Variants in MYOF observed in about 807,000 individuals in gnomAD.
The protein encoded by MYOF is myoferlin, also known as fer-1-like 3, myoferlin.
Under a neutral mutation model 284.2 loss-of-function variants are expected in MYOF, and 244 were observed. The ratio of observed to expected loss-of-function variants is 0.86; its 90% confidence interval spans 0.77 to 0.95. The LOEUF (loss-of-function observed/expected upper bound fraction) is 0.95, where lower values mean the gene tolerates loss of function less well. Ranked by LOEUF, MYOF falls within the 40% of genes least tolerant of loss-of-function variation. The pLI is 0.00. For missense variants in MYOF, 2,496 were observed against 2,560.6 expected (o/e 0.97, Z 0.54); for synonymous variants, 904 against 919.7 (o/e 0.98, Z 0.31).
At position 93,381,378 on chromosome 10, in the gene MYOF, TC is replaced by T; in HGVS notation, c.1716del (p.Lys573SerfsTer71). The T allele has an allele frequency of 1.9e-6, 3 of 1,614,210 alleles. No homozygotes were observed. The highest frequency in any genetic ancestry group is 2.5e-6 in the Non-Finnish European group (3 of 1,180,026). ...LLVVEKYQRRRKYSLSAVFHS... is the reference protein window; with the variant it reads ...LLVVEKYQRRXKYSLSAVFHS... ...TGAAACACGGCAGACAGGCTGTACT[TC>T]CGCCTTCGCTGGTATTTCTATAAAG... On this transcript the variant is annotated frameshift_variant, in exon 20 of 54. Transcript: ENST00000359263. LOFTEE classifies it high-confidence loss of function.
At chr10:93,369,589 T>C in intron 25 of MYOF, 56 bp downstream of exon 25, 1 of 1,606,222 alleles carries the variant, frequency 6.2e-7, no homozygotes, top group Non-Finnish European at 8.5e-7. Flanking sequence ...AGGTGAAAAG[T>C]AAAAGTGCCC....
intron 50 of MYOF, among the ~76,000 whole-genome samples, chr10:93,315,946 C>A (rs1369596104): frequency 6.7e-6 from 1 of 149,858 alleles, no homozygotes; most frequent in African/African-American, 2.4e-5. Context: ...CATAGTGAGA[C>A]CTCGTCTGTA....
At position 93,320,792 on chromosome 10, in the gene MYOF, C is replaced by T. The variant is rs182228614; in HGVS notation, c.5457-779G>A. On this transcript the variant is annotated intron_variant, in intron 48 of 53. Transcript: ENST00000359263. ...TTTACACTGTCAAAGCAATAGAGAG[C>T]GCATGGTTTTCTCGAAACTGCACAT... Among the ~76,000 whole-genome samples the T allele has an allele frequency of 1.2e-3, 187 of 152,182 alleles. 1 individual carries two copies. The highest frequency in any genetic ancestry group is 9.6e-4 in the Non-Finnish European group (65 of 68,010).
At chr10:93,456,590 A>T (rs1564733802) in intron 2 of MYOF, among the ~76,000 whole-genome samples, 1 of 152,224 alleles carries the variant, frequency 6.6e-6, no homozygotes, top group Non-Finnish European at 1.5e-5. Context: ...GATATGCAAC[A>T]TAAGTGGACC....
intron 29 of MYOF, among the ~76,000 whole-genome samples, chr10:93,359,580 G>A (rs1180371064): frequency 6.6e-6 from 1 of 152,174 alleles, no homozygotes; most frequent in African/African-American, 2.4e-5. Context: ...CACCTGGATG[G>A]TTTGCTGAAC....
intron 19 of MYOF, among the ~76,000 whole-genome samples, chr10:93,384,830 G>A (rs1846288380): frequency 6.6e-6 from 1 of 152,152 alleles, no homozygotes; most frequent in African/African-American, 2.4e-5. Context: ...TACCGATAAG[G>A]GCTAAGAGTT....
intron 1 of MYOF, among the ~76,000 whole-genome samples, chr10:93,477,440 C>T (rs1355418393): frequency 2.0e-5 from 3 of 151,754 alleles, no homozygotes; most frequent in African/African-American, 7.3e-5. Context: ...TGCAGTGAAC[C>T]GAGATTATGC....
intron 1 of MYOF, among the ~76,000 whole-genome samples, chr10:93,474,257 G>T (rs774127096): frequency 6.6e-5 from 10 of 152,086 alleles, no homozygotes; most frequent in Non-Finnish European, 1.2e-4. Context: ...GTACTAATCT[G>T]CTGTTCACAT....
At chr10:93,425,999 C>G in intron 5 of MYOF, 72 bp downstream of exon 5, 1 of 1,438,320 alleles carries the variant, frequency 7.0e-7, no homozygotes. Flanking sequence ...CAGGGTTTCT[C>G]CAGACACTCT....
rs764601313 is a variant in MYOF, at chr10:93,333,843, A to G, written c.4634T>C (p.Leu1545Ser). 1.2e-6 allele frequency: 2 copies of G among 1,613,988 alleles called. No homozygotes were observed. Among genetic ancestry groups the G allele is most frequent in the African/African-American group, 1.3e-5 (1 of 74,906 alleles). ...VPAPPRQFRELPDSVPQECTV... is the reference protein window; with the variant it reads ...VPAPPRQFRESPDSVPQECTV... ...GCATTCCTGTGGGACGCTGTCAGGT[A>G]ATTCCCGAAACTGTCTGGGAGGGGC... Residue 1545 changes from leucine (L) to serine (S), a missense_variant, in exon 42 of 54, where the codon TTA becomes TCA. This residue lies in a region of MYOF where 2,436 missense variants were observed against 2,480.7 expected (regional missense o/e 0.98). Transcript: ENST00000359263.
intron 29 of MYOF, among the ~76,000 whole-genome samples, chr10:93,357,471 C>T (rs1473771236): frequency 2.0e-5 from 3 of 152,120 alleles, no homozygotes; most frequent in African/African-American, 7.2e-5. Context: ...TGACAGGGAT[C>T]GTGTTAGGGG....
rs763390041 is a variant in MYOF, at chr10:93,306,923, T to C, written c.*40A>G. On this transcript the variant is annotated 3_prime_UTR_variant, in exon 54 of 54. Transcript: ENST00000359263. ...GTTGGTCTACAGAGGCAGGATTCTC[T>C]CATTGCTGGATGACTCTTGAAATGA... The C allele has an allele frequency of 1.9e-6, 3 of 1,599,082 alleles. No homozygotes were observed. The highest frequency in any genetic ancestry group is 2.6e-6 in the Non-Finnish European group (3 of 1,166,872).
chr10:93,333,898 AGATCCGAAAG>A lies in MYOF; in HGVS notation c.4569_4578del (p.Phe1524ThrfsTer37). The A allele has an allele frequency of 6.2e-7, 1 of 1,614,068 alleles. No individual in the cohort carries two copies. The highest frequency in any genetic ancestry group is 8.5e-7 in the Non-Finnish European group (1 of 1,179,986). On this transcript the variant is annotated frameshift_variant, in exon 42 of 54. Transcript: ENST00000359263. LOFTEE classifies it high-confidence loss of function. ...ACGCTGGGGTCATCCGGCAGAGGGT[AGATCCGAAAG>A]GAGCCCTAAAAGAGAGAGACAGAAG...
chr10:93,428,036 AC>A (rs1848672226), intron 4 of MYOF, among the ~76,000 whole-genome samples: 1 of 152,016 alleles, frequency 6.6e-6, no homozygotes. Flanking sequence ...GAAGAGACAA[AC>A]CTCAGAATAA....
At chr10:93,322,460 T>C (rs1392738518) in intron 48 of MYOF, among the ~76,000 whole-genome samples, 1 of 152,220 alleles carries the variant, frequency 6.6e-6, no homozygotes, top group Non-Finnish European at 1.5e-5. Flanking sequence ...GTAGTCGCTA[T>C]GCTGTACTGC....
intron 15 of MYOF, among the ~76,000 whole-genome samples, chr10:93,397,034 T>C (rs1276871055): frequency 6.6e-6 from 1 of 152,188 alleles, no homozygotes; most frequent in Non-Finnish European, 1.5e-5. Context: ...CCCCTTCTTT[T>C]GTTTATGAGC....
At chr10:93,378,708 T>TATATATATATAC (rs1338775243) in intron 21 of MYOF, among the ~76,000 whole-genome samples, 4 of 135,740 alleles carry the variant, frequency 2.9e-5, no homozygotes, top group Non-Finnish European at 6.2e-5. Flanking sequence ...TATATATATA[T>TATATATATATAC]ATATATATGT....
In MYOF at chr10:93,361,552, G is replaced by C; in HGVS notation, c.2874C>G (p.Gly958=). 3.7e-6 allele frequency: 6 copies of C among 1,613,984 alleles called. No homozygotes were observed. The highest frequency in any genetic ancestry group is 2.2e-5 in the East Asian group (1 of 44,872). Residue 958 remains glycine, a synonymous_variant, in exon 28 of 54, where the codon GGC becomes GGG. Transcript: ENST00000359263. Reference sequence around the variant, plus strand: ...ACTCGCTGGGTGATGCTGCTTTATCGCCGTTCTTACAAAACAAAAATAAAA... The same window carrying C: ...ACTCGCTGGGTGATGCTGCTTTATCCCCGTTCTTACAAAACAAAAATAAAA... ...PAEDTYTDAN[G]DKAASPSELT...
At chr10:93,413,228 G>T (rs1018225528) in intron 5 of MYOF, among the ~76,000 whole-genome samples, 1 of 152,148 alleles carries the variant, frequency 6.6e-6, no homozygotes, top group Non-Finnish European at 1.5e-5. Context: ...AACAAAGAAC[G>T]TCTTCTGCTA....
Sources: allele counts gnomAD v4.1 joint callset (sites outside exome capture counted in the v4.1 genomes callset), GRCh38; gene constraint gnomAD v4.1.1; regional missense constraint gnomAD v4.1.1; transcripts MANE v1.5; gene names NCBI Gene and HGNC (gene_info 2026-07-23, HGNC 2026-07-21).